CNTNAP2: variants seen among roughly 807,000 people sequenced by gnomAD.
CNTNAP2 encodes the protein contactin associated protein 2, also known as contactin-associated protein-like 2.
In CNTNAP2, 98 loss-of-function variants were observed where a neutral mutation model predicts 155.2. The observed-to-expected ratio is 0.63, with a 90% confidence interval of 0.54 to 0.75. The LOEUF (loss-of-function observed/expected upper bound fraction) is 0.75, where lower values mean the gene tolerates loss of function less well. Among genes scored for constraint, CNTNAP2 ranks in the 30% least tolerant of loss-of-function variants. The probability of loss-of-function intolerance (pLI) is 0.00; values close to 1 mark genes in which losing one functional copy is unlikely to be tolerated. For synonymous variants in CNTNAP2, 651 were observed against 631.2 expected (o/e 1.03, Z -0.47); for missense variants, 1,727 against 1,688.1 (o/e 1.02, Z -0.40).
intron 18 of CNTNAP2, among the ~76,000 whole-genome samples, chr7:148,192,709 ACTACT>A (rs1795220027): frequency 1.3e-5 from 2 of 152,198 alleles, no homozygotes; most frequent in African/African-American, 2.4e-5. Context: ...ACACATGCCA[ACTACT>A]TTGAAATTTG....
intron 1 of CNTNAP2, among the ~76,000 whole-genome samples, chr7:146,585,632 A>T (rs1007648465): frequency 5.3e-5 from 8 of 152,130 alleles, no homozygotes; most frequent in African/African-American, 1.9e-4. Flanking sequence ...TTACCTATTA[A>T]AAATAAAATT....
At chr7:146,754,436 A>G (rs1036019859) in intron 1 of CNTNAP2, among the ~76,000 whole-genome samples, 4 of 152,062 alleles carry the variant, frequency 2.6e-5, no homozygotes, top group Admixed American at 2.0e-4. Context: ...TGGAAATAGA[A>G]CAAAAACATG....
intron 19 of CNTNAP2, 70 bp downstream of exon 19, chr7:148,217,594 T>TAGA: frequency 6.6e-7 from 1 of 1,510,172 alleles, no homozygotes; most frequent in Non-Finnish European, 9.2e-7. Flanking sequence ...CAAGAGTCTA[T>TAGA]AGATTGTTCT....
At chr7:147,909,138 T>C (rs964565922) in intron 14 of CNTNAP2, among the ~76,000 whole-genome samples, 4 of 152,146 alleles carry the variant, frequency 2.6e-5, no homozygotes, top group African/African-American at 9.7e-5. Context: ...GTAAATTACT[T>C]TCAAAAAATT....
intron 1 of CNTNAP2, among the ~76,000 whole-genome samples, chr7:146,501,286 A>G (rs1254554659): frequency 6.6e-6 from 1 of 152,110 alleles, no homozygotes; most frequent in Non-Finnish European, 1.5e-5. Flanking sequence ...TTTGCGAAGG[A>G]TTACTGTTAA....
At chr7:147,072,346 A>G (rs6464782) in intron 4 of CNTNAP2, among the ~76,000 whole-genome samples, 108,476 of 152,018 alleles carry the variant, frequency 0.71, 38,707 homozygotes, top group East Asian at 0.74. Flanking sequence ...TCCATTAGAA[A>G]CCCAAAGAGA....
At chr7:146,549,174 T>C (rs1798078006) in intron 1 of CNTNAP2, among the ~76,000 whole-genome samples, 1 of 151,864 alleles carries the variant, frequency 6.6e-6, no homozygotes. Context: ...ATTTTAACAC[T>C]ATACATTTTC....
intron 15 of CNTNAP2, among the ~76,000 whole-genome samples, chr7:147,979,871 C>T (rs1801492002): frequency 6.6e-6 from 1 of 152,152 alleles, no homozygotes; most frequent in African/African-American, 2.4e-5. Context: ...GATCCACACG[C>T]CTCGGCCTCC....
intron 21 of CNTNAP2, among the ~76,000 whole-genome samples, chr7:148,293,059 G>A (rs1482223930): frequency 4.3e-5 from 6 of 139,182 alleles, no homozygotes; most frequent in Admixed American, 7.7e-5. Flanking sequence ...TATAGACATC[G>A]TGATTGACAA....
chr7:148,089,574 G>C (rs1803798674), intron 15 of CNTNAP2, among the ~76,000 whole-genome samples: 1 of 151,508 alleles, frequency 6.6e-6, no homozygotes, highest in African/African-American at 2.4e-5. Context: ...AAATACTTAA[G>C]AAAAATTTAA....
intron 12 of CNTNAP2, among the ~76,000 whole-genome samples, chr7:147,610,200 A>G (rs1801155790): frequency 6.6e-6 from 1 of 152,218 alleles, no homozygotes; most frequent in Admixed American, 6.5e-5. Flanking sequence ...GATTTTCTGT[A>G]TGAAATCCTA....
intron 2 of CNTNAP2, among the ~76,000 whole-genome samples, chr7:146,827,325 C>T (rs547046573): frequency 6.6e-6 from 1 of 152,010 alleles, no homozygotes; most frequent in South Asian, 2.1e-4. Context: ...CATGATTTAA[C>T]TGATTTTCTT....
intron 10 of CNTNAP2, among the ~76,000 whole-genome samples, chr7:147,449,497 C>T (rs189855080): frequency 2.6e-4 from 40 of 151,956 alleles, no homozygotes; most frequent in Non-Finnish European, 1.0e-4. Context: ...CAGAAGTAGA[C>T]GATAAGATAT....
At chr7:147,632,147 C>T (rs1193109699) in intron 12 of CNTNAP2, among the ~76,000 whole-genome samples, 3 of 152,042 alleles carry the variant, frequency 2.0e-5, no homozygotes, top group South Asian at 2.1e-4. Flanking sequence ...AAACCAATCC[C>T]ATCAAAAAGT....
intron 15 of CNTNAP2, among the ~76,000 whole-genome samples, chr7:148,047,474 T>C (rs1282584252): frequency 6.6e-6 from 1 of 152,188 alleles, no homozygotes; most frequent in Non-Finnish European, 1.5e-5. Context: ...AGCCTTCTTG[T>C]GCTTAGGAAC....
intron 1 of CNTNAP2, among the ~76,000 whole-genome samples, chr7:146,548,944 A>G (rs986552202): frequency 2.0e-5 from 3 of 151,712 alleles, no homozygotes; most frequent in Non-Finnish European, 4.4e-5. Flanking sequence ...GACGAATGTC[A>G]TAAAAGTTTT....
intron 3 of CNTNAP2, among the ~76,000 whole-genome samples, chr7:146,907,622 G>A (rs1282553422): frequency 1.3e-5 from 2 of 149,944 alleles, no homozygotes; most frequent in Non-Finnish European, 3.0e-5. Context: ...TCACCACCAA[G>A]CCTGCCCTAA....
chr7:147,864,405 A>T (rs1799190490), intron 13 of CNTNAP2, among the ~76,000 whole-genome samples: 1 of 152,022 alleles, frequency 6.6e-6, no homozygotes, highest in Non-Finnish European at 1.5e-5. Context: ...TTTCTTGGCA[A>T]TGAGGGGTCT....
chr7:146,891,787 T>C (rs1001047029), intron 3 of CNTNAP2, among the ~76,000 whole-genome samples: 1 of 152,156 alleles, frequency 6.6e-6, no homozygotes, highest in African/African-American at 2.4e-5. Flanking sequence ...GCAGGCCTCG[T>C]CAACACAGCA....
Sources: gnomAD v4.1 joint callset for allele counts (sites outside exome capture counted in the v4.1 genomes callset) on GRCh38, gnomAD v4.1.1 for gene constraint, MANE v1.5 for transcripts, NCBI Gene and HGNC (gene_info 2026-07-23, HGNC 2026-07-21) for gene names.